GALNTL6: variants seen among roughly 807,000 people sequenced by gnomAD.
GALNTL6 encodes polypeptide N-acetylgalactosaminyltransferase-like 6.
Under a neutral mutation model 73.7 loss-of-function variants are expected in GALNTL6, and 46 were observed. The observed-to-expected ratio is 0.62, with a 90% CI of 0.49 to 0.80. The LOEUF (loss-of-function observed/expected upper bound fraction) is 0.80, where lower values mean the gene tolerates loss of function less well. Among genes scored for constraint, GALNTL6 ranks in the 30% least tolerant of loss-of-function variants. The pLI is 0.00. For synonymous variants in GALNTL6, 259 were observed against 263.7 expected (o/e 0.98, Z 0.17); for missense variants, 604 against 755.0 (o/e 0.80, Z 2.34).
chr4:172,786,416 G>A (rs1197596459), intron 5 of GALNTL6, among the ~76,000 whole-genome samples: 1 of 152,214 alleles, frequency 6.6e-6, no homozygotes, highest in Admixed American at 6.5e-5. Context: ...TTAGGAACTT[G>A]GTTAATCTAC....
chr4:172,116,613 G>C (rs1283153374), intron 2 of GALNTL6, among the ~76,000 whole-genome samples: 1 of 152,070 alleles, frequency 6.6e-6, no homozygotes, highest in Admixed American at 6.6e-5. Context: ...ATTCCTCTGA[G>C]AGCTTGAGAA....
chr4:171,918,283 A>G (rs1464409468), intron 2 of GALNTL6, among the ~76,000 whole-genome samples: 1 of 152,152 alleles, frequency 6.6e-6, no homozygotes, highest in African/African-American at 2.4e-5. Context: ...TAAGTCTGAC[A>G]TGTACTCTGA....
At chr4:172,164,329 A>T (rs977081641) in intron 2 of GALNTL6, among the ~76,000 whole-genome samples, 2 of 152,040 alleles carry the variant, frequency 1.3e-5, no homozygotes, top group African/African-American at 4.8e-5. Context: ...TATACATTTA[A>T]TCAAAATATT....
intron 2 of GALNTL6, among the ~76,000 whole-genome samples, chr4:172,188,114 G>A (rs1735468364): frequency 6.6e-6 from 1 of 152,128 alleles, no homozygotes; most frequent in Admixed American, 6.5e-5. Flanking sequence ...TTAAATCATT[G>A]ATCATTCGTT....
chr4:172,552,202 T>C (rs1735979921), intron 5 of GALNTL6, among the ~76,000 whole-genome samples: 1 of 152,126 alleles, frequency 6.6e-6, no homozygotes, highest in South Asian at 2.1e-4. Context: ...AAGTCACAGC[T>C]CATTTAATGA....
chr4:172,882,959 G>T (rs775070905), intron 8 of GALNTL6, 52 bp downstream of exon 8: 3 of 954,664 alleles, frequency 3.1e-6, no homozygotes, highest in Non-Finnish European at 4.9e-6. Flanking sequence ...TGACAATTCT[G>T]ATAGAATATC....
At chr4:171,891,635 C>T (rs1736766485) in intron 2 of GALNTL6, among the ~76,000 whole-genome samples, 1 of 152,088 alleles carries the variant, frequency 6.6e-6, no homozygotes, top group African/African-American at 2.4e-5. Flanking sequence ...AATCTGTGTT[C>T]ATTTTGTGCT....
chr4:172,185,946 G>A (rs572977686), intron 2 of GALNTL6, among the ~76,000 whole-genome samples: 8 of 152,194 alleles, frequency 5.3e-5, no homozygotes, highest in Non-Finnish European at 1.0e-4. Context: ...TTTCTCAGAA[G>A]GAAGGAATAA....
chr4:172,396,281 C>T (rs145589110), intron 5 of GALNTL6, among the ~76,000 whole-genome samples: 4 of 150,950 alleles, frequency 2.6e-5, no homozygotes, highest in South Asian at 2.1e-4. Context: ...CGATCTAAAG[C>T]GTGCGTAACT....
chr4:172,592,415 C>G (rs1737673399), intron 5 of GALNTL6, among the ~76,000 whole-genome samples: 2 of 152,120 alleles, frequency 1.3e-5, no homozygotes, highest in South Asian at 4.1e-4. Context: ...GGTCCTACCT[C>G]CCACCATCCC....
intron 2 of GALNTL6, among the ~76,000 whole-genome samples, chr4:171,861,917 TA>T (rs1381715308): frequency 1.3e-5 from 2 of 152,196 alleles, no homozygotes; most frequent in Non-Finnish European, 2.9e-5. Context: ...CACTGGCCAC[TA>T]ATAGTGTTTA....
intron 2 of GALNTL6, among the ~76,000 whole-genome samples, chr4:171,957,881 G>A (rs1298009658): frequency 6.6e-6 from 1 of 152,132 alleles, no homozygotes; most frequent in Non-Finnish European, 1.5e-5. Flanking sequence ...TTTTCTAGCG[G>A]GAATCCTAAC....
At chr4:172,628,341 G>A (rs564676713) in intron 5 of GALNTL6, among the ~76,000 whole-genome samples, 1 of 152,206 alleles carries the variant, frequency 6.6e-6, no homozygotes, top group East Asian at 1.9e-4. Flanking sequence ...GCATACATCT[G>A]AATGTAAATA....
chr4:172,710,762 TTAAAG>T (rs1234950680), intron 5 of GALNTL6, among the ~76,000 whole-genome samples: 1 of 152,082 alleles, frequency 6.6e-6, no homozygotes, highest in Non-Finnish European at 1.5e-5. Context: ...TCGATAATTT[TTAAAG>T]TAAACTTATA....
chr4:172,476,296 C>A (rs1733228477), intron 5 of GALNTL6, among the ~76,000 whole-genome samples: 2 of 152,194 alleles, frequency 1.3e-5, no homozygotes, highest in Non-Finnish European at 2.9e-5. Context: ...TTTCCTGAGG[C>A]CTCTTTTGCA....
In GALNTL6 at chr4:172,098,760, C is replaced by G. The variant is rs529519105; in HGVS notation, c.139-130896C>G. ...TCTCAACCAGGAGCAATTTTGCACC[C>G]TGGGGAGTATTGGCAATCTCTGGAG... is the stretch of plus-strand genomic sequence containing the variant. On this transcript the variant is annotated intron_variant, in intron 2 of 12. Transcript: ENST00000506823. 2.6e-5 allele frequency among the ~76,000 whole-genome samples: 4 copies of G among 152,252 alleles called. No individual in the cohort carries two copies. In the East Asian group the frequency reaches 7.7e-4, roughly 29 times the overall value.
chr4:172,845,229 A>AAAAAG (rs1553994972), intron 7 of GALNTL6, among the ~76,000 whole-genome samples: 140 of 147,688 alleles, frequency 9.5e-4, no homozygotes, highest in Non-Finnish European at 1.8e-3. Context: ...AAAAAAAAAA[A>AAAAAG]AAAAAGAAAA....
At chr4:172,460,346 C>CAA (rs201944061) in intron 5 of GALNTL6, among the ~76,000 whole-genome samples, 6 of 151,950 alleles carry the variant, frequency 3.9e-5, no homozygotes, top group African/African-American at 1.4e-4. Flanking sequence ...AAAGCAATGG[C>CAA]AAAAAAAGCC....
At chr4:171,907,429 A>C (rs1053689129) in intron 2 of GALNTL6, among the ~76,000 whole-genome samples, 1 of 151,904 alleles carries the variant, frequency 6.6e-6, no homozygotes, top group Non-Finnish European at 1.5e-5. Flanking sequence ...TAGGAATCCA[A>C]CTTACAAGGG....
Sources: allele counts gnomAD v4.1 joint callset (sites outside exome capture counted in the v4.1 genomes callset), GRCh38; gene constraint gnomAD v4.1.1; transcripts MANE v1.5; gene names NCBI Gene and HGNC (gene_info 2026-07-23, HGNC 2026-07-21).